The following PCDH15 variants were observed in gnomAD, a reference collection of about 807,000 sequenced individuals.
PCDH15 encodes protocadherin related 15.
Under a neutral mutation model 178.5 loss-of-function variants are expected in PCDH15, and 129 were observed. The ratio of observed to expected loss-of-function variants is 0.72; its 90% CI spans 0.63 to 0.84. The LOEUF (loss-of-function observed/expected upper bound fraction) is 0.84, where lower values mean the gene tolerates loss of function less well. Ranked by LOEUF, PCDH15 falls within the 40% of genes least tolerant of loss-of-function variation. PCDH15 has a pLI of 0.00. For synonymous variants in PCDH15, 800 were observed against 732.0 expected, an observed-to-expected ratio of 1.09 and a Z score of -1.50; for missense variants, 2,230 against 2,099.9, an observed-to-expected ratio of 1.06 and a Z score of -1.21.
At chr10:54,482,039 C>T (rs143063041) in intron 3 of PCDH15, among the ~76,000 whole-genome samples, 77 of 151,948 alleles carry the variant, frequency 5.1e-4, no homozygotes, top group African/African-American at 1.8e-3. Flanking sequence ...TACCACTGTA[C>T]TGCTGAAAGT....
intron 1 of PCDH15, among the ~76,000 whole-genome samples, chr10:54,683,999 G>A (rs987483175): frequency 1.3e-5 from 2 of 151,924 alleles, no homozygotes; most frequent in African/African-American, 4.8e-5. Context: ...ATACTAAGAA[G>A]ATTATCATTT....
At chr10:55,354,253 C>G (rs1250193972) in intron 2 of PCDH15, among the ~76,000 whole-genome samples, 1 of 152,004 alleles carries the variant, frequency 6.6e-6, no homozygotes, top group Non-Finnish European at 1.5e-5. Flanking sequence ...CTCTATCACC[C>G]CATTACTCTG....
chr10:54,024,866 T>G (rs941465722), intron 18 of PCDH15, among the ~76,000 whole-genome samples: 3 of 151,958 alleles, frequency 2.0e-5, no homozygotes, highest in African/African-American at 7.3e-5. Flanking sequence ...AAGAGGGTGA[T>G]CTCTTTTTTT....
At chr10:54,872,162 T>C (rs1320548843) in intron 3 of PCDH15, among the ~76,000 whole-genome samples, 2 of 151,962 alleles carry the variant, frequency 1.3e-5, no homozygotes, top group African/African-American at 2.4e-5. Context: ...AATATGTATA[T>C]ATGTATTTAT....
At chr10:55,516,701 C>A (rs746260997) in intron 2 of PCDH15, among the ~76,000 whole-genome samples, 2 of 152,076 alleles carry the variant, frequency 1.3e-5, no homozygotes, top group African/African-American at 2.4e-5. Context: ...GTAATAAGTT[C>A]TTTTATATGA....
chr10:54,415,699 G>C (rs1046994457), intron 3 of PCDH15, among the ~76,000 whole-genome samples: 1 of 151,972 alleles, frequency 6.6e-6, no homozygotes, highest in Non-Finnish European at 1.5e-5. Flanking sequence ...TTGGCCACTA[G>C]GGATGATATA....
intron 2 of PCDH15, among the ~76,000 whole-genome samples, chr10:55,121,540 G>T (rs1837773184): frequency 6.6e-6 from 1 of 152,104 alleles, no homozygotes. Context: ...GGGCCCATGG[G>T]AAGACCATCA....
chr10:55,391,055 CTT>C (rs1363936073), intron 2 of PCDH15, among the ~76,000 whole-genome samples: 1 of 152,166 alleles, frequency 6.6e-6, no homozygotes, highest in Non-Finnish European at 1.5e-5. Flanking sequence ...CAGGCATTGA[CTT>C]CTCCTCTCTA....
At chr10:55,011,855 A>G (rs1241942852) in intron 2 of PCDH15, among the ~76,000 whole-genome samples, 1 of 152,148 alleles carries the variant, frequency 6.6e-6, no homozygotes, top group East Asian at 1.9e-4. Context: ...AAATGGCATG[A>G]TGAGTACTTG....
intron 2 of PCDH15, among the ~76,000 whole-genome samples, chr10:54,966,616 GT>G (rs1838798099): frequency 1.3e-5 from 2 of 152,094 alleles, no homozygotes; most frequent in Non-Finnish European, 2.9e-5. Context: ...ATTCCCACTT[GT>G]TGTGGGAGAG....
At chr10:54,084,025 A>C (rs909890736) in intron 16 of PCDH15, among the ~76,000 whole-genome samples, 1 of 151,712 alleles carries the variant, frequency 6.6e-6, no homozygotes, top group African/African-American at 2.4e-5. Context: ...GGAGATGGAG[A>C]CCATCCATCC....
intron 11 of PCDH15, among the ~76,000 whole-genome samples, chr10:54,190,783 G>T (rs2048920803): frequency 3.3e-5 from 5 of 152,056 alleles, no homozygotes; most frequent in Admixed American, 2.6e-4. Flanking sequence ...TCATAATACA[G>T]ATCTTTTGAA....
chr10:55,241,014 A>G (rs1261406772), intron 1 of PCDH15, among the ~76,000 whole-genome samples: 1 of 152,186 alleles, frequency 6.6e-6, no homozygotes, highest in African/African-American at 2.4e-5. Context: ...CAGGAGATCG[A>G]GACCATCCTG....
At chr10:54,264,894 A>G (rs559410841) in intron 8 of PCDH15, among the ~76,000 whole-genome samples, 3 of 152,264 alleles carry the variant, frequency 2.0e-5, no homozygotes, top group Non-Finnish European at 4.4e-5. Flanking sequence ...ACATGCATAC[A>G]TCAGAAATCC....
At chr10:54,168,544 G>T in intron 13 of PCDH15, among the ~76,000 whole-genome samples, 1 of 149,572 alleles carries the variant, frequency 6.7e-6, no homozygotes, top group African/African-American at 2.4e-5. Flanking sequence ...TTACAGTTTC[G>T]TTCCGTGACT....
In PCDH15 at chr10:55,021,588, T is replaced by C. The variant is rs547588666; in HGVS notation, c.-79-124088A>G. 3.3e-5 allele frequency among the ~76,000 whole-genome samples: 5 copies of C among 152,300 alleles called. No individual in the cohort carries two copies. In the East Asian group the frequency reaches 7.7e-4, roughly 24 times the overall value. On this transcript the variant is annotated intron_variant, in intron 2 of 5. Coordinates refer to the PCDH15 transcript ENST00000458638. Reference sequence around the variant, plus strand: ...AGTCTTGACCTTTAGAATATCCCCATAATATGTTAAAATAAAACTTTAAAA... The same window carrying C: ...AGTCTTGACCTTTAGAATATCCCCACAATATGTTAAAATAAAACTTTAAAA...
intron 2 of PCDH15, among the ~76,000 whole-genome samples, chr10:55,080,192 C>A (rs559198726): frequency 9.2e-5 from 14 of 152,102 alleles, no homozygotes; most frequent in Non-Finnish European, 1.6e-4. Flanking sequence ...GGGTTCCCAA[C>A]TCCTTGGCTG....
chr10:53,976,740 T>G (rs975015115), intron 21 of PCDH15, among the ~76,000 whole-genome samples: 1 of 152,126 alleles, frequency 6.6e-6, no homozygotes, highest in Non-Finnish European at 1.5e-5. Flanking sequence ...TAATAATTTG[T>G]TAAATGAATA....
intron 2 of PCDH15, among the ~76,000 whole-genome samples, chr10:55,535,014 A>C (rs1293277655): frequency 2.0e-5 from 3 of 152,036 alleles, no homozygotes; most frequent in African/African-American, 7.2e-5. Context: ...TTGAGCACAC[A>C]TGGACATAAA....
Sources: gnomAD v4.1 joint callset for allele counts (sites outside exome capture counted in the v4.1 genomes callset) on GRCh38, gnomAD v4.1.1 for gene constraint, MANE v1.5 for transcripts, NCBI Gene and HGNC (gene_info 2026-07-23, HGNC 2026-07-21) for gene names.